Variants in ACOD1 observed in about 807,000 individuals in gnomAD.
ACOD1 encodes the protein aconitate decarboxylase 1.
In ACOD1, 14 loss-of-function variants were observed where a neutral mutation model predicts 14.2. The ratio of observed to expected loss-of-function variants is 0.99; its 90% CI spans 0.65 to 1.54. The LOEUF is 1.54. ACOD1 is among the 40% of genes most tolerant of loss of function. The pLI is 0.00. For synonymous variants in ACOD1, 182 were observed against 221.7 expected (o/e 0.82, Z 1.59); for missense variants, 530 against 586.3 (o/e 0.90, Z 0.99).
intron 2 of ACOD1, among the ~76,000 whole-genome samples, chr13:76,953,188 TCA>T (rs1255770581): frequency 6.6e-6 from 1 of 152,248 alleles, no homozygotes; most frequent in African/African-American, 2.4e-5. Context: ...TAATAATATC[TCA>T]CAGTTTATTA....
At position 76,957,121 on chromosome 13, in the gene ACOD1, T is replaced by G; in HGVS notation, c.582T>G (p.His194Gln). The change falls in exon 5 of 5, where the codon CAT becomes CAG. Residue 194 changes from histidine (H) to glutamine (Q), a missense_variant. By Grantham distance (24) the His-to-Gln change is conservative. Transcript: ENST00000377462. ...CREALAIAVS[H>Q]AGAPMANAAT... The stretch of plus-strand genomic sequence containing the variant: ...AAGCTCTGGCCATTGCTGTTTCCCA[T>G]GCTGGGGCACCCATGGCCAATGCTG... 6.4e-7 allele frequency: 1 copy of G among 1,550,668 alleles called. No individual in the cohort carries two copies. The highest frequency in any genetic ancestry group is 8.7e-7 in the Non-Finnish European group (1 of 1,147,010).
rs573414310 is a variant in ACOD1 at position 76,954,983 on chromosome 13, C to T, written c.265-336C>T. Among the ~76,000 whole-genome samples, 192 of 151,914 alleles carry T rather than the reference C, an allele frequency of 1.3e-3. 1 individual carries two copies. The highest frequency in any genetic ancestry group is 7.8e-4 in the Non-Finnish European group (53 of 67,940). The stretch of plus-strand genomic sequence containing the variant: ...CTCTACTAAAAATACAAAAATTAGC[C>T]AGGTGCGGTGGTGGGCACCTGTTAT... On this transcript the variant is annotated intron_variant, in intron 3 of 4. Coordinates refer to ENST00000377462, the MANE Select transcript of ACOD1 (RefSeq NM_001258406.2).
intron 1 of ACOD1, 82 bp downstream of exon 1, chr13:76,948,652 C>A: frequency 8.8e-7 from 1 of 1,139,612 alleles, no homozygotes; most frequent in Non-Finnish European, 1.3e-6. Context: ...GTTGCCCTCT[C>A]CTTTTAAGAA....
At chr13:76,950,979 T>C (rs1450281923) in intron 1 of ACOD1, among the ~76,000 whole-genome samples, 1 of 152,104 alleles carries the variant, frequency 6.6e-6, no homozygotes, top group Non-Finnish European at 1.5e-5. Context: ...TGGCCCTTGC[T>C]TCCACTTCTA....
At chr13:76,954,732 C>G (rs1287417101) in intron 3 of ACOD1, among the ~76,000 whole-genome samples, 2 of 152,098 alleles carry the variant, frequency 1.3e-5, no homozygotes, top group Non-Finnish European at 1.5e-5. Flanking sequence ...CTCAGGCCAC[C>G]AGGGCAAGAC....
chr13:76,955,126 C>CAA (rs34230053), intron 3 of ACOD1, among the ~76,000 whole-genome samples, 193 bp from the exon 4 acceptor site: 20 of 98,874 alleles, frequency 2.0e-4, no homozygotes, highest in African/African-American at 4.3e-4. Context: ...GACTCTGTCT[C>CAA]AAAAAAAAAA....
chr13:76,955,180 TTTTC>T lies in ACOD1; in HGVS notation c.265-135_265-132del, dbSNP rs2033862625. On this transcript the variant is annotated intron_variant, in intron 3 of 4. Coordinates refer to ENST00000377462, the MANE Select transcript of ACOD1 (RefSeq NM_001258406.2). Reference sequence around the variant, plus strand: ...AAAAAAATCACAGACATTTCTCAGATTTTCTTTTCTGAGAATCAGATCAAAAGAA... The same window carrying T: ...AAAAAAATCACAGACATTTCTCAGATTTTTCTGAGAATCAGATCAAAAGAA... The T allele has an allele frequency of 4.9e-6, 3 of 611,548 alleles. No individual in the cohort carries two copies. In the South Asian group the frequency reaches 7.9e-5, roughly 16 times the overall value. 37.9% of individuals were successfully genotyped at this position (611,548 alleles called of 1,614,324 possible). A position where few individuals can be genotyped will look rare whatever the true frequency, so the allele number is the denominator to read the frequency against.
intron 1 of ACOD1, 31 bp from the exon 2 acceptor site, chr13:76,952,458 T>C: frequency 3.9e-6 from 6 of 1,543,462 alleles, no homozygotes; most frequent in Non-Finnish European, 5.2e-6. Flanking sequence ...AAGTGGGGTG[T>C]ATCCCTGTCC....
chr13:76,952,572 G>A lies in ACOD1; in HGVS notation c.96G>A (p.Arg32=). 6.4e-7 allele frequency: 1 copy of A among 1,550,390 alleles called. No homozygotes were observed. The highest frequency in any genetic ancestry group is 8.7e-7 in the Non-Finnish European group (1 of 1,146,890). Reference sequence around the variant, plus strand: ...ATCGTGTTATTCAGAGGAGCAAGAGGATGATTCTAGACACTCTGGGTGCTG... The same window carrying A: ...ATCGTGTTATTCAGAGGAGCAAGAGAATGATTCTAGACACTCTGGGTGCTG... ...LTDRVIQRSK[R]MILDTLGAGF... Residue 32 remains arginine, a synonymous_variant, in exon 2 of 5, where the codon AGG becomes AGA. Transcript: ENST00000377462.
intron 3 of ACOD1, 56 bp downstream of exon 3, chr13:76,953,745 C>A: frequency 1.8e-6 from 2 of 1,088,568 alleles, no homozygotes; most frequent in Non-Finnish European, 2.7e-6. Flanking sequence ...ATTTTAGAGT[C>A]AGGAAATATC....
chr13:76,949,512 T>C (rs1324292532), intron 1 of ACOD1, among the ~76,000 whole-genome samples: 1 of 152,082 alleles, frequency 6.6e-6, no homozygotes, highest in Non-Finnish European at 1.5e-5. Context: ...CAGGGTGCTG[T>C]TCAGGACTTC....
intron 1 of ACOD1, among the ~76,000 whole-genome samples, chr13:76,951,733 C>T (rs1318030030): frequency 6.6e-6 from 1 of 152,184 alleles, no homozygotes; most frequent in Non-Finnish European, 1.5e-5. Flanking sequence ...CACCAGAGCA[C>T]TTGAGAGCCT....
Position 76,957,501 on chromosome 13 carries a change from G to A in ACOD1, c.962G>A (p.Arg321Lys), listed in dbSNP as rs1286926361. The change falls in exon 5 of 5, where the codon AGG (arginine) becomes AAG (lysine). Residue 321 changes from arginine to lysine, a missense_variant. Coordinates refer to ENST00000377462, the MANE Select transcript of ACOD1 (RefSeq NM_001258406.2). The part of the protein sequence containing the change: ...LRIPNVQYVN[R>K]PFPVSEHEAR... ...ATACCAAATGTCCAGTATGTAAACA[G>A]GCCCTTTCCAGTTTCGGAGCATGAA... is the stretch of plus-strand genomic sequence containing the variant. 1 of 1,550,506 alleles carries A rather than the reference G, an allele frequency of 6.4e-7. No individual in the cohort carries two copies. The highest frequency in any genetic ancestry group is 8.7e-7 in the Non-Finnish European group (1 of 1,147,022).
chr13:76,951,803 GGA>G (rs1219972722), intron 1 of ACOD1, among the ~76,000 whole-genome samples: 2 of 152,094 alleles, frequency 1.3e-5, no homozygotes, highest in Non-Finnish European at 2.9e-5. Flanking sequence ...CCATTTCTGG[GGA>G]GAGTCTAATT....
Position 76,958,050 on chromosome 13 carries a change from G to GAAAAT in ACOD1, c.*65_*66insAAAAT. ...TCAATGATTTGGTTTGTAAAGCAAG[G>GAAAAT]GTCTGCTGCTTGGTTTTCCCAGGAA... On this transcript the variant is annotated 3_prime_UTR_variant, in exon 5 of 5. Coordinates refer to ENST00000377462, the MANE Select transcript of ACOD1 (RefSeq NM_001258406.2). 7.2e-7 allele frequency: 1 copy of GAAAAT among 1,393,086 alleles called. No homozygotes were observed. The highest frequency in any genetic ancestry group is 1.5e-5 in the South Asian group (1 of 65,114). The allele number at this position is 1,393,086 out of a possible 1,614,324, so 86.3% of individuals were successfully genotyped here.
rs931878321 is a variant in ACOD1, at chr13:76,953,598, A to T, written c.175-2A>T. The T allele has an allele frequency of 6.5e-7, 1 of 1,533,714 alleles. No individual in the cohort carries two copies. The highest frequency in any genetic ancestry group is 2.0e-5 in the Admixed American group (1 of 50,946). ...TCACTGGTTGATTTGCTTTTGTTCC[A>T]GATCTACAGTTCCAACATATCCAGC... On this transcript the variant is annotated splice_acceptor_variant, in intron 2 of 4. Coordinates refer to ENST00000377462, the MANE Select transcript of ACOD1 (RefSeq NM_001258406.2). LOFTEE classifies it high-confidence loss of function.
At position 76,957,203 on chromosome 13, in the gene ACOD1, G is replaced by T; in HGVS notation, c.664G>T (p.Ala222Ser). ...TGCTGCCAAGCATGGGATAGAAGCT[G>T]CATTTTTGGCAATGTTGGGTCTCCA... is the stretch of plus-strand genomic sequence containing the variant. ...GNAAKHGIEA[A>S]FLAMLGLQGN... is the part of the protein sequence containing the mutation. Residue 222 changes from alanine to serine, a missense_variant, in exon 5 of 5, where the codon GCA (alanine) becomes TCA (serine). Transcript: ENST00000377462. The T allele has an allele frequency of 6.4e-7, 1 of 1,550,660 alleles. No individual in the cohort carries two copies. Among genetic ancestry groups the T allele is most frequent in the African/African-American group, 1.4e-5 (1 of 73,190 alleles).
intron 2 of ACOD1, 97 bp downstream of exon 2, chr13:76,952,747 C>T: frequency 1.1e-6 from 1 of 921,456 alleles, no homozygotes; most frequent in Non-Finnish European, 1.6e-6. Flanking sequence ...ACTTGATGTA[C>T]ATAGCACTGT....
At chr13:76,956,422 G>A (rs920349225) in intron 4 of ACOD1, among the ~76,000 whole-genome samples, 2 of 151,870 alleles carry the variant, frequency 1.3e-5, no homozygotes, top group African/African-American at 4.8e-5. Flanking sequence ...GGATGGTCTC[G>A]AGCTCTTGAC....
Sources: allele counts gnomAD v4.1 joint callset (sites outside exome capture counted in the v4.1 genomes callset), GRCh38; gene constraint gnomAD v4.1.1; transcripts MANE v1.5; gene names NCBI Gene and HGNC (gene_info 2026-07-23, HGNC 2026-07-21).